The following PDE8B variants were observed in gnomAD, a reference collection of about 807,000 sequenced individuals.
PDE8B encodes the protein phosphodiesterase 8B.
Under a neutral mutation model 101.3 loss-of-function variants are expected in PDE8B, and 26 were observed. The ratio of observed to expected loss-of-function variants is 0.26; its 90% CI spans 0.19 to 0.36. The LOEUF is 0.36. Among genes scored for constraint, PDE8B ranks in the 10% least tolerant of loss-of-function variants. The pLI, the probability that PDE8B is intolerant of heterozygous loss-of-function variation, is 1.00. For missense variants in PDE8B, 810 were observed against 1,163.1 expected, an observed-to-expected ratio of 0.70 and a Z score of 4.42; for synonymous variants, 424 against 429.3, an observed-to-expected ratio of 0.99 and a Z score of 0.15.
intron 6 of PDE8B, among the ~76,000 whole-genome samples, chr5:77,343,873 C>CTTTTTTTTT (rs34017471): frequency 1.5e-4 from 19 of 126,456 alleles, no homozygotes; most frequent in South Asian, 7.5e-4. Flanking sequence ...ATTTTTAAAT[C>CTTTTTTTTT]TTTTTTTTTT....
At chr5:77,222,107 T>C (rs1216605430) in intron 1 of PDE8B, among the ~76,000 whole-genome samples, 1 of 152,158 alleles carries the variant, frequency 6.6e-6, no homozygotes, top group Non-Finnish European at 1.5e-5. Context: ...GAAGGAAAGG[T>C]GCTCACTGAC....
At position 77,421,957 on chromosome 5, in the gene PDE8B, CT is replaced by C; in HGVS notation, c.2388del (p.Arg798GlyfsTer21). 1 of 1,614,192 alleles carries C rather than the reference CT, an allele frequency of 6.2e-7. No individual in the cohort carries two copies. Among genetic ancestry groups the C allele is most frequent in the Non-Finnish European group, 8.5e-7 (1 of 1,180,030 alleles). On this transcript the variant is annotated frameshift_variant, in exon 20 of 22. Transcript: ENST00000264917. LOFTEE classifies it high-confidence loss of function. ...CCCTTGGACCTGTGCATTGAATGGG[CT>C]GGGAGGATCTCTGAGGAGTATTTTG... is the stretch of plus-strand genomic sequence containing the variant. ...CRPLDLCIEWAGRISEEYFAQ... is the reference protein window; with the variant it reads ...CRPLDLCIEWXGRISEEYFAQ...
At chr5:77,366,726 C>T (rs1784216994) in intron 10 of PDE8B, among the ~76,000 whole-genome samples, 1 of 152,242 alleles carries the variant, frequency 6.6e-6, no homozygotes, top group Non-Finnish European at 1.5e-5. Context: ...TGAATGTTGT[C>T]CCTCAGAGGG....
At chr5:77,212,344 A>T (rs1748641893) in intron 1 of PDE8B, among the ~76,000 whole-genome samples, 1 of 152,248 alleles carries the variant, frequency 6.6e-6, no homozygotes, top group Non-Finnish European at 1.5e-5. Context: ...TAATAGTTAA[A>T]AACTTGGTCT....
the PDE8B span, chr5:77,092,458 G>A: frequency 1.2e-4 from 18 of 152,046 alleles, no homozygotes; most frequent in Non-Finnish European, 1.9e-4. Context: ...CATCACGCGT[G>A]TAACCATAAA....
chr5:77,291,841 CG>C, intron 1 of PDE8B: 1 of 1,512,098 alleles, frequency 6.6e-7, no homozygotes, highest in African/African-American at 1.4e-5. Context: ...TTGAGGTGTT[CG>C]GCAGCTGTTT....
intron 7 of PDE8B, 89 bp downstream of exon 7, chr5:77,345,020 C>G (rs11742730): frequency 0.22 from 184,690 of 827,056 alleles, 22,990 homozygotes; most frequent in Middle Eastern, 0.28. Flanking sequence ...TTCCCATCAT[C>G]CTCATGTATC....
At chr5:77,305,532 G>T (rs900991749) in intron 1 of PDE8B, among the ~76,000 whole-genome samples, 1 of 152,160 alleles carries the variant, frequency 6.6e-6, no homozygotes, top group Non-Finnish European at 1.5e-5. Flanking sequence ...GAGAGGGTGG[G>T]ATGGGACAGA....
chr5:77,268,934 G>A (rs541496031), intron 1 of PDE8B, among the ~76,000 whole-genome samples: 1 of 151,344 alleles, frequency 6.6e-6, no homozygotes, highest in Non-Finnish European at 1.5e-5. Flanking sequence ...AATAAACATG[G>A]CAGTGCAGCT....
At chr5:77,364,596 T>C (rs572866578) in intron 10 of PDE8B, among the ~76,000 whole-genome samples, 1 of 152,278 alleles carries the variant, frequency 6.6e-6, no homozygotes, top group South Asian at 2.1e-4. Flanking sequence ...GAAGAAAGTA[T>C]GCATTTACTC....
the PDE8B span, among the ~76,000 whole-genome samples, chr5:77,175,328 C>G: frequency 6.6e-6 from 1 of 152,188 alleles, no homozygotes; most frequent in Non-Finnish European, 1.5e-5. Flanking sequence ...GCTTAAAATT[C>G]TCCCAAGGCC....
chr5:77,335,488 A>G (rs544270984), intron 5 of PDE8B, among the ~76,000 whole-genome samples: 89 of 152,050 alleles, frequency 5.9e-4, no homozygotes, highest in Admixed American at 2.2e-3. Flanking sequence ...GGAGAAGCCA[A>G]CCACTCCAGA....
chr5:77,351,628 T>C (rs1781141426), intron 9 of PDE8B, among the ~76,000 whole-genome samples: 1 of 152,158 alleles, frequency 6.6e-6, no homozygotes, highest in African/African-American at 2.4e-5. Flanking sequence ...TGAGGGCATC[T>C]CAATCCACTG....
At chr5:77,125,715 T>C in the PDE8B span, among the ~76,000 whole-genome samples, 1 of 152,072 alleles carries the variant, frequency 6.6e-6, no homozygotes, top group African/African-American at 2.4e-5. Flanking sequence ...AAAGGAAAAA[T>C]ATTGTATGAT....
At chr5:77,143,779 A>G in the PDE8B span, 17 of 151,658 alleles carry the variant, frequency 1.1e-4, no homozygotes, top group African/African-American at 4.1e-4. Flanking sequence ...GGCTAGTCAG[A>G]TGTCCCCAGC....
At chr5:77,229,001 G>A (rs1041813453) in intron 1 of PDE8B, among the ~76,000 whole-genome samples, 4 of 152,172 alleles carry the variant, frequency 2.6e-5, no homozygotes, top group Admixed American at 2.6e-4. Flanking sequence ...CCAGGTTTTG[G>A]CAGAACATTC....
intron 20 of PDE8B, among the ~76,000 whole-genome samples, chr5:77,422,861 CCAG>C (rs1796968758): frequency 6.6e-6 from 1 of 152,136 alleles, no homozygotes; most frequent in East Asian, 1.9e-4. Flanking sequence ...AGGGGAGTGA[CCAG>C]CAGAGGAGCC....
chr5:77,314,103 G>A (rs1478632606), intron 2 of PDE8B, among the ~76,000 whole-genome samples: 1 of 151,720 alleles, frequency 6.6e-6, no homozygotes, highest in Non-Finnish European at 1.5e-5. Flanking sequence ...GTGAGGTAGG[G>A]GCTTTATTTT....
chr5:77,096,520 A>G, the PDE8B span, among the ~76,000 whole-genome samples: 1 of 152,160 alleles, frequency 6.6e-6, no homozygotes, highest in African/African-American at 2.4e-5. Context: ...TCATCATCAC[A>G]TGGCAGAAGG....
Sources: allele counts gnomAD v4.1 joint callset (sites outside exome capture counted in the v4.1 genomes callset), GRCh38; gene constraint gnomAD v4.1.1; transcripts MANE v1.5; gene names NCBI Gene and HGNC (gene_info 2026-07-23, HGNC 2026-07-21).